The following KIR3DL3 variants were observed in gnomAD, a reference collection of about 807,000 sequenced individuals.
The protein encoded by KIR3DL3 is killer cell immunoglobulin-like receptor 3DL3.
In KIR3DL3, 27 loss-of-function variants were observed where a neutral mutation model predicts 34.9. The ratio of observed to expected loss-of-function variants is 0.77; its 90% CI spans 0.57 to 1.07. KIR3DL3 has a LOEUF of 1.07. Among genes scored for constraint, KIR3DL3 ranks in the 50% least tolerant of loss-of-function variants. The pLI is 0.00. For missense variants in KIR3DL3, 681 were observed against 528.5 expected (o/e 1.29, Z -2.83); for synonymous variants, 217 against 200.2 (o/e 1.08, Z -0.71).
chr19:54,733,838 G>C (rs1008032877), intron 5 of KIR3DL3, among the ~76,000 whole-genome samples: 2 of 152,176 alleles, frequency 1.3e-5, no homozygotes, highest in Non-Finnish European at 2.9e-5. Flanking sequence ...GATACAGATA[G>C]ATCATGGGGA....
Position 54,729,774 on chromosome 19 carries a change from GT to G in KIR3DL3, c.940del (p.Ser314LeufsTer12). On this transcript the variant is annotated frameshift_variant, in exon 5 of 8. Coordinates refer to ENST00000291860, the MANE Select transcript of KIR3DL3 (RefSeq NM_153443.5). LOFTEE classifies it high-confidence loss of function. Reference sequence around the variant, plus strand: ...GTCAGACCCGAGTGACCCACTGCCCGTTTCTGTCACAGGTGAGAAAACACCA... The same window carrying G: ...GTCAGACCCGAGTGACCCACTGCCCGTTCTGTCACAGGTGAGAAAACACCA... ...AWSDPSDPLP[V>X]SVTGNSRNLH... 6.3e-7 allele frequency: 1 copy of G among 1,595,616 alleles called. No individual in the cohort carries two copies. Among genetic ancestry groups the G allele is most frequent in the Non-Finnish European group, 8.5e-7 (1 of 1,173,308 alleles).
At chr19:54,726,562 G>C (rs1470890338) in intron 3 of KIR3DL3, among the ~76,000 whole-genome samples, 1 of 145,796 alleles carries the variant, frequency 6.9e-6, no homozygotes, top group Non-Finnish European at 1.5e-5. Flanking sequence ...TAGGGCAGGG[G>C]ACTGAAGAGG....
intron 2 of KIR3DL3, among the ~76,000 whole-genome samples, chr19:54,725,672 A>G (rs1600161571): frequency 6.6e-6 from 1 of 152,128 alleles, no homozygotes; most frequent in Admixed American, 6.5e-5. Context: ...GGCTGCTGTC[A>G]TTCTACCTAA....
rs2068049830 is a variant in KIR3DL3 at position 54,725,283 on chromosome 19, G to A, written c.70+1G>A. The A allele has an allele frequency of 1.3e-6, 2 of 1,582,426 alleles. No individual in the cohort carries two copies. The highest frequency in any genetic ancestry group is 1.7e-5 in the Admixed American group (1 of 57,998). ...CTGGAGGGGCCCTGGCCACATGTGG[G>A]TGAGTCCTTCCCCCAAACCTTAGGT... is the stretch of plus-strand genomic sequence containing the variant. On this transcript the variant is annotated splice_donor_variant, in intron 2 of 7. Coordinates refer to ENST00000291860, the MANE Select transcript of KIR3DL3 (RefSeq NM_153443.5). LOFTEE classifies it high-confidence loss of function.
intron 5 of KIR3DL3, among the ~76,000 whole-genome samples, chr19:54,730,371 TG>T (rs1268440411): frequency 6.7e-6 from 1 of 149,638 alleles, no homozygotes; most frequent in African/African-American, 2.5e-5. Context: ...CTGGCCAACA[TG>T]GGGAAAATCC....
rs765556468 is a variant in KIR3DL3, at chr19:54,735,964, C to T, written c.1108-7C>T. The T allele has an allele frequency of 1.5e-4, 241 of 1,612,080 alleles. No homozygotes were observed. The highest frequency in any genetic ancestry group is 5.3e-4 in the African/African-American group (39 of 74,176). On this transcript the variant is annotated splice_region_variant and splice_polypyrimidine_tract_variant and intron_variant, in intron 7 of 7. Coordinates refer to ENST00000291860, the MANE Select transcript of KIR3DL3 (RefSeq NM_153443.5). ...CCCTCCCTCACTCAGCATTTCCCTC[C>T]CTCCAGGACTCTGATGAACAAGACC...
At position 54,736,453 on chromosome 19, in the gene KIR3DL3, C is replaced by CA; in HGVS notation, c.*358dup. 1 of 392,970 alleles carries CA rather than the reference C, an allele frequency of 2.5e-6. No homozygotes were observed. Among genetic ancestry groups the CA allele is most frequent in the Non-Finnish European group, 4.6e-6 (1 of 218,170 alleles). The allele number at this position is 392,970 out of a possible 1,614,324, so 24.3% of individuals were successfully genotyped here. A position where few individuals can be genotyped will look rare whatever the true frequency, so the allele number is the denominator to read the frequency against. On this transcript the variant is annotated 3_prime_UTR_variant, in exon 8 of 8. Coordinates refer to ENST00000291860, the MANE Select transcript of KIR3DL3 (RefSeq NM_153443.5). ...CCTAGTCTACTTGAGGCTGCGATCA[C>CA]ACTGAGGAACTCACAATTCCAAACA...
At chr19:54,727,985 G>T in intron 4 of KIR3DL3, 75 bp downstream of exon 4, 1 of 1,441,948 alleles carries the variant, frequency 6.9e-7, no homozygotes, top group Non-Finnish European at 9.5e-7. Flanking sequence ...AGCCCCAGGT[G>T]GTCATGAGGA....
rs1290386921 is a variant in KIR3DL3 at position 54,729,855 on chromosome 19, T to C, written c.949+69T>C. On this transcript the variant is annotated intron_variant, in intron 5 of 7. Coordinates refer to ENST00000291860, the MANE Select transcript of KIR3DL3 (RefSeq NM_153443.5). ...CCATAGCTGAGGAGCTTCCTGCTGA[T>C]GATGGAGAGAAGCATGGACAGATGC... The C allele has an allele frequency of 4.1e-6, 6 of 1,468,498 alleles. No individual in the cohort carries two copies. The African/African-American group carries it at 8.4e-5, about 21-fold the overall frequency. The allele number at this position is 1,468,498 out of a possible 1,614,324, so 91.0% of individuals were successfully genotyped here. A position where few individuals can be genotyped will look rare whatever the true frequency, so the allele number is the denominator to read the frequency against.
chr19:54,731,789 G>C (rs1377505309), intron 5 of KIR3DL3, among the ~76,000 whole-genome samples: 6 of 151,686 alleles, frequency 4.0e-5, no homozygotes, highest in African/African-American at 1.5e-4. Context: ...GGCTGGTCAC[G>C]TCTCACATGG....
Position 54,736,060 on chromosome 19 carries a change from G to C in KIR3DL3, c.1197G>C (p.Gln399His). ...AGAGAAAAATCACTCGCCCTTCTCA[G>C]AGGCCCAAGACACCCCCAACAGATA... ...FTQRKITRPS[Q>H]RPKTPPTDTS... The change falls in exon 8 of 8, where the codon CAG (glutamine) becomes CAC (histidine). Residue 399 changes from glutamine to histidine, a missense_variant. By Grantham distance (24) the Gln-to-His change is conservative (BLOSUM62 0). Transcript: ENST00000291860. 2 of 1,613,648 alleles carry C rather than the reference G, an allele frequency of 1.2e-6. No individual in the cohort carries two copies. The highest frequency in any genetic ancestry group is 8.5e-7 in the Non-Finnish European group (1 of 1,179,978).
chr19:54,724,720 AAGTAGAGATATGGGCCTGG>A (rs1249759333), intron 1 of KIR3DL3, among the ~76,000 whole-genome samples, 190 bp downstream of exon 1: 1 of 64,470 alleles, frequency 1.6e-5, no homozygotes, highest in Non-Finnish European at 3.1e-5. Flanking sequence ...TATGGGCCTG[AAGTAGAGATATGGGCCTGG>A]AGTAGAGATA....
chr19:54,725,938 C>A (rs1372993401), intron 2 of KIR3DL3, 115 bp from the exon 3 acceptor site: 5 of 987,570 alleles, frequency 5.1e-6, no homozygotes, highest in African/African-American at 3.3e-5. Context: ...TAGCCCTGGG[C>A]ACCCAGGTGT....
intron 3 of KIR3DL3, among the ~76,000 whole-genome samples, chr19:54,726,542 A>G (rs1393664551): frequency 6.8e-6 from 1 of 146,116 alleles, no homozygotes; most frequent in African/African-American, 2.5e-5. Flanking sequence ...CCCTGTGACT[A>G]TTTATGTTAT....
Position 54,727,612 on chromosome 19 carries a change from A to G in KIR3DL3, c.357A>G (p.Gly119=). 6.2e-7 allele frequency: 1 copy of G among 1,610,112 alleles called. No individual in the cohort carries two copies. Among genetic ancestry groups the G allele is most frequent in the Non-Finnish European group, 8.5e-7 (1 of 1,178,838 alleles). Residue 119 remains glycine, a splice_region_variant and synonymous_variant, in exon 4 of 8, where the codon GGA becomes GGG. Transcript: ENST00000291860. ...TGAACTCACAACCTCTCTTCTTAGG[A>G]GTCCACAGAAAACCTTCCCTCCTGG... ...PSNPVVIMVT[G]VHRKPSLLAH...
At position 54,728,926 on chromosome 19, in the gene KIR3DL3, A is replaced by G. The variant is rs1309391248; in HGVS notation, c.656-567A>G. Among the ~76,000 whole-genome samples, 5 of 149,834 alleles carry G rather than the reference A, an allele frequency of 3.3e-5. No individual in the cohort carries two copies. The East Asian group carries it at 9.7e-4, about 29-fold the overall frequency. On this transcript the variant is annotated intron_variant, in intron 4 of 7. Transcript: ENST00000291860. ...CAGGTGATAGACAAATAGATGATGA[A>G]TGACTGATAGATGATATAGATAGAC...
chr19:54,735,973 C>A lies in KIR3DL3; in HGVS notation c.1110C>A (p.Asp370Glu), dbSNP rs761398762. 1 of 1,612,670 alleles carries A rather than the reference C, an allele frequency of 6.2e-7. No individual in the cohort carries two copies. Among genetic ancestry groups the A allele is most frequent in the East Asian group, 2.2e-5 (1 of 44,862 alleles). ...PAGNRTVNRE[D>E]SDEQDPQEVT... Reference sequence around the variant, plus strand: ...ACTCAGCATTTCCCTCCCTCCAGGACTCTGATGAACAAGACCCTCAGGAGG... The same window carrying A: ...ACTCAGCATTTCCCTCCCTCCAGGAATCTGATGAACAAGACCCTCAGGAGG... Residue 370 changes from aspartate (D) to glutamate (E), a missense_variant and splice_region_variant, in exon 8 of 8, where the codon GAC (aspartate) becomes GAA (glutamate). Coordinates refer to ENST00000291860, the MANE Select transcript of KIR3DL3 (RefSeq NM_153443.5).
intron 4 of KIR3DL3, among the ~76,000 whole-genome samples, chr19:54,728,204 G>A (rs1431540954): frequency 6.7e-6 from 1 of 150,070 alleles, no homozygotes; most frequent in Non-Finnish European, 1.5e-5. Context: ...CTTCTATGCT[G>A]ACTTTGTTCA....
chr19:54,735,480 C>T, intron 6 of KIR3DL3, 123 bp downstream of exon 6: 3 of 619,012 alleles, frequency 4.8e-6, no homozygotes, highest in South Asian at 1.9e-5. Flanking sequence ...GCCACAGAGG[C>T]AGGACTTTCT....
Sources: allele counts gnomAD v4.1 joint callset (sites outside exome capture counted in the v4.1 genomes callset), GRCh38; gene constraint gnomAD v4.1.1; transcripts MANE v1.5; gene names NCBI Gene and HGNC (gene_info 2026-07-23, HGNC 2026-07-21).